Variants in CPAMD8 observed in about 807,000 individuals in gnomAD.
The protein encoded by CPAMD8 is C3 and PZP like alpha-2-macroglobulin domain containing 8.
CPAMD8 carries 146 observed loss-of-function variants against 224.7 expected under a neutral mutation model. That is an observed-to-expected ratio of 0.65 (90% CI 0.57 to 0.75). The LOEUF (loss-of-function observed/expected upper bound fraction) is 0.75. CPAMD8 is among the 30% of genes least tolerant of loss of function. The pLI, the probability that CPAMD8 is intolerant of heterozygous loss-of-function variation, is 0.00. For synonymous variants in CPAMD8, 966 were observed against 1,044.6 expected (o/e 0.92, Z 1.45); for missense variants, 2,301 against 2,537.5 (o/e 0.91, Z 2.00).
At chr19:16,943,438 C>T (rs1444866701) in intron 22 of CPAMD8, among the ~76,000 whole-genome samples, 1 of 152,008 alleles carries the variant, frequency 6.6e-6, no homozygotes. Context: ...GGGTCTGGCT[C>T]TGTTTTCCAG....
intron 22 of CPAMD8, among the ~76,000 whole-genome samples, chr19:16,941,603 T>G (rs771892325): frequency 3.0e-4 from 45 of 152,224 alleles, no homozygotes; most frequent in Non-Finnish European, 4.6e-4. Context: ...TGGTGGAAGG[T>G]GATTGGATCA....
Position 17,004,396 on chromosome 19 carries a change from G to A in CPAMD8, c.560-10C>T, listed in dbSNP as rs2056425149. On this transcript the variant is annotated splice_polypyrimidine_tract_variant and intron_variant, in intron 7 of 41. Coordinates refer to ENST00000443236, the MANE Select transcript of CPAMD8 (RefSeq NM_015692.5). ...CTCATGTTGGTGATGCCTGTGTGAAGAGAGAGGGCAAGGGCTTTTTCAGAG... is the reference window on the plus strand; with the variant it reads ...CTCATGTTGGTGATGCCTGTGTGAAAAGAGAGGGCAAGGGCTTTTTCAGAG... 3 of 1,583,988 alleles carry A rather than the reference G, an allele frequency of 1.9e-6. No homozygotes were observed. Among genetic ancestry groups the A allele is most frequent in the African/African-American group, 1.3e-5 (1 of 74,318 alleles).
intron 22 of CPAMD8, among the ~76,000 whole-genome samples, chr19:16,942,916 G>A (rs755784091): frequency 5.9e-5 from 9 of 152,004 alleles, no homozygotes; most frequent in East Asian, 1.9e-4. Context: ...CACTCCTTTC[G>A]GCCTCTCTGG....
chr19:17,007,242 G>A (rs2056516227), intron 7 of CPAMD8, among the ~76,000 whole-genome samples: 1 of 152,142 alleles, frequency 6.6e-6, no homozygotes, highest in Admixed American at 6.6e-5. Context: ...GCTGAGGCAG[G>A]AGAATGGCTT....
chr19:16,980,486 G>A lies in CPAMD8; in HGVS notation c.1585+11C>T. 6.2e-7 allele frequency: 1 copy of A among 1,610,826 alleles called. No individual in the cohort carries two copies. The stretch of plus-strand genomic sequence containing the variant: ...GAAGAACAGGAACCTTCTCCCTGCT[G>A]CCCGGCTCACCTGTCTCAGAAAGGT... On this transcript the variant is annotated intron_variant, in intron 14 of 41. Coordinates refer to ENST00000443236, the MANE Select transcript of CPAMD8 (RefSeq NM_015692.5).
chr19:16,989,545 C>T, intron 13 of CPAMD8, 98 bp downstream of exon 13: 1 of 1,471,138 alleles, frequency 6.8e-7, no homozygotes, highest in African/African-American at 1.4e-5. Flanking sequence ...CCTCGGCCTC[C>T]CAAAATGCTG....
rs193127821 is a variant in CPAMD8 at position 16,928,142 on chromosome 19, G to A, written c.3237C>T (p.Thr1079=). ...GGAATTCACCCATGGAGCCCCAGCCGGTGGAAAAGCCAATGAACTGGACCT... is the reference window on the plus strand; with the variant it reads ...GGAATTCACCCATGGAGCCCCAGCCAGTGGAAAAGCCAATGAACTGGACCT... The part of the protein sequence containing the change: ...PPEVQFIGFS[T]GWGSMGEFRI... Residue 1079 remains threonine (T), a synonymous_variant, in exon 25 of 42, where the codon ACC becomes ACT. Coordinates refer to ENST00000443236, the MANE Select transcript of CPAMD8 (RefSeq NM_015692.5). 1.0e-4 allele frequency: 165 copies of A among 1,614,142 alleles called. No individual in the cohort carries two copies. The highest frequency in any genetic ancestry group is 5.8e-4 in the East Asian group (26 of 44,888).
Position 16,896,575 on chromosome 19 carries a change from T to C in CPAMD8, c.5156A>G (p.Gln1719Arg), listed in dbSNP as rs1049755157. 2.0e-6 allele frequency: 3 copies of C among 1,512,110 alleles called. No individual in the cohort carries two copies. Among genetic ancestry groups the C allele is most frequent in the East Asian group, 5.2e-5 (2 of 38,570 alleles). 93.7% of individuals were successfully genotyped at this position (1,512,110 alleles called of 1,614,324 possible). Residue 1719 changes from glutamine (Q) to arginine (R), a missense_variant, in exon 40 of 42, where the codon CAG (glutamine) becomes CGG (arginine). Gln to Arg is a conservative substitution (Grantham distance 43, BLOSUM62 1). Coordinates refer to ENST00000443236, the MANE Select transcript of CPAMD8 (RefSeq NM_015692.5). ...GTCGGAGCCGCACACCGGGTTCCCCTGGGCGCCGCAGTCGTGGTCGCAGCC... is the reference window on the plus strand; with the variant it reads ...GTCGGAGCCGCACACCGGGTTCCCCCGGGCGCCGCAGTCGTGGTCGCAGCC... ...RCGCDHDCGA[Q>R]GNPVCGSDGV...
At chr19:16,895,566 C>A (rs543190789) in intron 41 of CPAMD8, 2 of 273,494 alleles carry the variant, frequency 7.3e-6, no homozygotes, top group African/African-American at 4.4e-5. Flanking sequence ...TGGAAGGATC[C>A]TGTGCAGATG....
At chr19:16,964,680 T>A (rs1012562700) in intron 18 of CPAMD8, among the ~76,000 whole-genome samples, 3 of 152,134 alleles carry the variant, frequency 2.0e-5, no homozygotes, top group Non-Finnish European at 4.4e-5. Flanking sequence ...CCTCCCTAAC[T>A]CATTTTATGA....
At chr19:16,908,627 T>A (rs2052611440) in intron 29 of CPAMD8, among the ~76,000 whole-genome samples, 1 of 152,232 alleles carries the variant, frequency 6.6e-6, no homozygotes, top group South Asian at 2.1e-4. Context: ...ACCAGAGTCT[T>A]CTGGTGGCCC....
At chr19:17,025,295 C>T (rs2057049535) in intron 1 of CPAMD8, among the ~76,000 whole-genome samples, 1 of 152,096 alleles carries the variant, frequency 6.6e-6, no homozygotes, top group South Asian at 2.1e-4. Context: ...GCCTGTAATC[C>T]CAGCTACTCA....
chr19:16,896,409 C>A, intron 40 of CPAMD8, 47 bp downstream of exon 40: 1 of 1,493,370 alleles, frequency 6.7e-7, no homozygotes, highest in Non-Finnish European at 8.9e-7. Context: ...TGGCCCAGAG[C>A]AGCAGCGATG....
At chr19:16,951,537 T>C (rs887718138) in intron 20 of CPAMD8, among the ~76,000 whole-genome samples, 2 of 152,078 alleles carry the variant, frequency 1.3e-5, no homozygotes, top group East Asian at 3.9e-4. Flanking sequence ...GCCACAGGGA[T>C]TGTGTGGCTG....
At chr19:16,913,130 TG>T (rs1377681248) in intron 29 of CPAMD8, among the ~76,000 whole-genome samples, 9 of 151,828 alleles carry the variant, frequency 5.9e-5, no homozygotes, top group Admixed American at 1.3e-4. Context: ...CCAACTCGAG[TG>T]GGGGCCAAGG....
chr19:16,968,431 C>T (rs1159754958), intron 18 of CPAMD8, among the ~76,000 whole-genome samples: 2 of 152,078 alleles, frequency 1.3e-5, no homozygotes, highest in African/African-American at 4.8e-5. Context: ...AGAACACTTC[C>T]ATGGACAGGC....
chr19:16,906,237 A>G (rs555776573), intron 30 of CPAMD8, among the ~76,000 whole-genome samples: 31 of 152,188 alleles, frequency 2.0e-4, no homozygotes, highest in African/African-American at 7.0e-4. Context: ...GACAAGCAAA[A>G]GGCATCTCGT....
At chr19:16,960,875 A>G (rs1234599940) in intron 18 of CPAMD8, among the ~76,000 whole-genome samples, 1 of 151,942 alleles carries the variant, frequency 6.6e-6, no homozygotes, top group African/African-American at 2.4e-5. Flanking sequence ...CATGGGCAAC[A>G]GAGTGAGACT....
intron 24 of CPAMD8, among the ~76,000 whole-genome samples, 193 bp from the exon 25 acceptor site, chr19:16,928,427 G>A (rs2053442162): frequency 6.6e-6 from 1 of 152,154 alleles, no homozygotes; most frequent in South Asian, 2.1e-4. Flanking sequence ...AGAAACATAA[G>A]GCATGGCATC....
Sources: allele counts gnomAD v4.1 joint callset (sites outside exome capture counted in the v4.1 genomes callset), GRCh38; gene constraint gnomAD v4.1.1; transcripts MANE v1.5; gene names NCBI Gene and HGNC (gene_info 2026-07-23, HGNC 2026-07-21).